Variants in MARCHF10 observed in about 807,000 individuals in gnomAD.
MARCHF10 encodes the protein membrane associated ring-CH-type finger 10, also known as probable E3 ubiquitin-protein ligase MARCHF10.
A neutral mutation model predicts 76.2 loss-of-function variants in MARCHF10; 64 were observed. That is an observed-to-expected ratio of 0.84 (90% CI 0.69 to 1.03). The LOEUF is 1.03. Among genes scored for constraint, MARCHF10 ranks in the 50% least tolerant of loss-of-function variants. MARCHF10 has a pLI of 0.00. For synonymous variants in MARCHF10, 340 were observed against 357.5 expected, an observed-to-expected ratio of 0.95 and a Z score of 0.55; for missense variants, 875 against 958.0, an observed-to-expected ratio of 0.91 and a Z score of 1.14.
chr17:62,716,800 T>C (rs895992246), intron 8 of MARCHF10, among the ~76,000 whole-genome samples: 1 of 152,198 alleles, frequency 6.6e-6, no homozygotes, highest in Admixed American at 6.5e-5. Flanking sequence ...GTTCTAGGTT[T>C]CTTTTGGTTT....
chr17:62,741,455 C>G (rs2091500948), intron 5 of MARCHF10, among the ~76,000 whole-genome samples: 1 of 152,180 alleles, frequency 6.6e-6, no homozygotes, highest in Non-Finnish European at 1.5e-5. Flanking sequence ...AAGCATCTCT[C>G]TCATAACTGT....
At chr17:62,705,706 T>C in intron 9 of MARCHF10, 125 bp from the exon 10 acceptor site, 1 of 1,174,486 alleles carries the variant, frequency 8.5e-7, no homozygotes. Flanking sequence ...GGCAGGAAAA[T>C]GGGCAGAGGT....
At chr17:62,764,690 G>C (rs531278529) in intron 3 of MARCHF10, among the ~76,000 whole-genome samples, 51 of 152,292 alleles carry the variant, frequency 3.3e-4, no homozygotes, top group African/African-American at 1.2e-3. Flanking sequence ...AGGGCAGCTT[G>C]TATAAATAGC....
intron 6 of MARCHF10, among the ~76,000 whole-genome samples, chr17:62,733,647 T>A (rs1437860025): frequency 6.6e-6 from 1 of 152,218 alleles, no homozygotes; most frequent in Non-Finnish European, 1.5e-5. Flanking sequence ...AGAATGTTCA[T>A]GCAGCGCCAT....
At chr17:62,713,102 G>C (rs114637928) in intron 8 of MARCHF10, among the ~76,000 whole-genome samples, 2 of 152,008 alleles carry the variant, frequency 1.3e-5, no homozygotes, top group Non-Finnish European at 2.9e-5. Flanking sequence ...GCCTGCCTCC[G>C]ACTGTCTCGC....
chr17:62,798,440 A>C (rs1371861097), intron 2 of MARCHF10, among the ~76,000 whole-genome samples: 1 of 149,166 alleles, frequency 6.7e-6, no homozygotes, highest in Non-Finnish European at 1.5e-5. Flanking sequence ...CCTGGGAAAC[A>C]TTAAAAAAAA....
intron 9 of MARCHF10, among the ~76,000 whole-genome samples, chr17:62,709,132 C>T (rs8072519): frequency 0.3 from 45,640 of 152,114 alleles, 7,058 homozygotes; most frequent in Non-Finnish European, 0.34. Context: ...TCCTCATCTC[C>T]GCACCTGGTA....
intron 4 of MARCHF10, among the ~76,000 whole-genome samples, chr17:62,752,876 C>G (rs1283680180): frequency 6.6e-6 from 1 of 152,170 alleles, no homozygotes; most frequent in African/African-American, 2.4e-5. Context: ...GCCACCCTCA[C>G]ACTCTCAGCT....
Position 62,701,481 on chromosome 17 carries a change from C to G in MARCHF10, c.*222G>C, listed in dbSNP as rs1415143508. On this transcript the variant is annotated 3_prime_UTR_variant, in exon 11 of 11. Transcript: ENST00000311269. ...CCAGCCTGCCAGGGGCTCCACAGTC[C>G]CACGCTGCTTGACCTGTGCTGTCTG... 19 of 1,069,392 alleles carry G rather than the reference C, an allele frequency of 1.8e-5. No homozygotes were observed. Among genetic ancestry groups the G allele is most frequent in the Non-Finnish European group, 2.5e-5 (19 of 770,448 alleles). The allele number at this position is 1,069,392 out of a possible 1,614,324, so 66.2% of individuals were successfully genotyped here.
At position 62,711,357 on chromosome 17, in the gene MARCHF10, A is replaced by G; in HGVS notation, c.2215-13T>C. The G allele has an allele frequency of 1.2e-6, 2 of 1,611,838 alleles. No individual in the cohort carries two copies. Among genetic ancestry groups the G allele is most frequent in the Non-Finnish European group, 1.7e-6 (2 of 1,177,884 alleles). On this transcript the variant is annotated splice_polypyrimidine_tract_variant and intron_variant, in intron 8 of 10. Coordinates refer to ENST00000311269, the MANE Select transcript of MARCHF10 (RefSeq NM_152598.4). The surrounding 1 kb of genome is among the most constrained non-coding windows in gnomAD (Gnocchi z 4.4). ...GCTCGTTTTGTGCCTACAAATGGAA[A>G]AGAAAGCTCTTCAGTTCATCTGTAA...
chr17:62,780,722 G>A (rs2092642832), intron 3 of MARCHF10, among the ~76,000 whole-genome samples: 4 of 152,192 alleles, frequency 2.6e-5, no homozygotes, highest in Admixed American at 2.6e-4. Flanking sequence ...TAAATGCAGT[G>A]AGAACGTGTT....
At chr17:62,705,225 G>C in intron 10 of MARCHF10, 3 of 1,310,672 alleles carry the variant, frequency 2.3e-6, no homozygotes, top group Non-Finnish European at 2.9e-6. Flanking sequence ...CTCTCCAAGT[G>C]CTGGACGCTG....
chr17:62,801,806 C>T (rs965409371), intron 1 of MARCHF10, 54 bp from the exon 2 acceptor site: 39 of 1,259,094 alleles, frequency 3.1e-5, no homozygotes, highest in African/African-American at 2.9e-5. Flanking sequence ...GTCGTGATGC[C>T]GTATTTGGAT....
At position 62,736,777 on chromosome 17, in the gene MARCHF10, G is replaced by A. The variant is rs765682512; in HGVS notation, c.1091C>T (p.Thr364Ile). ...CCTTTGCCCAGCAGAAGGCCGCTCT[G>A]TTGCTGGCTCCATTGCATTGCTTAT... Reference protein sequence around the residue: ...LRISNAMEPATERPSAGQRLS... With the variant: ...LRISNAMEPAIERPSAGQRLS... Residue 364 changes from threonine to isoleucine, a missense_variant, in exon 6 of 11, where the codon ACA becomes ATA. Coordinates refer to ENST00000311269, the MANE Select transcript of MARCHF10 (RefSeq NM_152598.4). 22 of 1,614,076 alleles carry A rather than the reference G, an allele frequency of 1.4e-5. No homozygotes were observed. The highest frequency in any genetic ancestry group is 8.0e-5 in the African/African-American group (6 of 74,916).
chr17:62,751,792 A>G (rs1032850905), intron 4 of MARCHF10, among the ~76,000 whole-genome samples: 1 of 152,152 alleles, frequency 6.6e-6, no homozygotes, highest in Admixed American at 6.5e-5. Flanking sequence ...AGACCGAAGC[A>G]GGCGGATTAC....
chr17:62,778,046 C>T (rs2092586111), intron 3 of MARCHF10, among the ~76,000 whole-genome samples: 1 of 152,220 alleles, frequency 6.6e-6, no homozygotes, highest in South Asian at 2.1e-4. Context: ...ACAAACAGTG[C>T]CTCCTCTTTT....
At chr17:62,716,431 CAAA>C (rs67814270) in intron 8 of MARCHF10, among the ~76,000 whole-genome samples, 8 of 124,716 alleles carry the variant, frequency 6.4e-5, no homozygotes, top group Admixed American at 1.7e-4. Flanking sequence ...CCCCATCTCT[CAAA>C]AAAAAAAAAA....
intron 4 of MARCHF10, among the ~76,000 whole-genome samples, chr17:62,747,992 C>T (rs2091764877): frequency 6.6e-6 from 1 of 152,170 alleles, no homozygotes; most frequent in Non-Finnish European, 1.5e-5. Flanking sequence ...CTGTGATACC[C>T]TTTTGGTTCC....
At chr17:62,715,887 T>C (rs1421439672) in intron 8 of MARCHF10, among the ~76,000 whole-genome samples, 2 of 151,944 alleles carry the variant, frequency 1.3e-5, no homozygotes, top group African/African-American at 4.8e-5. Context: ...AGAACTAAGG[T>C]AGGAAAACGT....
Sources: gnomAD v4.1 joint callset for allele counts (sites outside exome capture counted in the v4.1 genomes callset) on GRCh38, gnomAD v4.1.1 for gene constraint, Gnocchi (gnomAD v3.1) non-coding constraint, MANE v1.5 for transcripts, NCBI Gene and HGNC (gene_info 2026-07-23, HGNC 2026-07-21) for gene names.